The following RBFOX1 variants were observed in gnomAD, a reference collection of about 807,000 sequenced individuals.
RBFOX1 encodes the protein RNA binding protein fox-1 homolog 1.
RBFOX1 carries 8 observed loss-of-function variants against 57.7 expected under a neutral mutation model. The ratio of observed to expected loss-of-function variants is 0.14; its 90% CI spans 0.08 to 0.25. The LOEUF (loss-of-function observed/expected upper bound fraction) is 0.25. RBFOX1 is among the 10% of genes least tolerant of loss of function. The pLI, the probability that RBFOX1 is intolerant of heterozygous loss-of-function variation, is 1.00. For synonymous variants in RBFOX1, 326 were observed against 222.4 expected (o/e 1.47, Z -4.15); for missense variants, 611 against 548.5 (o/e 1.11, Z -1.14).
chr16:6,753,968 C>G (rs1334025705), intron 3 of RBFOX1, among the ~76,000 whole-genome samples: 1 of 152,144 alleles, frequency 6.6e-6, no homozygotes, highest in Non-Finnish European at 1.5e-5. Flanking sequence ...CCTTATGGAG[C>G]TGACTGTTGA....
intron 4 of RBFOX1, among the ~76,000 whole-genome samples, chr16:7,100,757 A>G (rs368497919): frequency 3.9e-4 from 60 of 152,256 alleles, no homozygotes; most frequent in Middle Eastern, 6.8e-3. Flanking sequence ...AAAAGATCCA[A>G]TGGCCGTAAA....
intron 3 of RBFOX1, among the ~76,000 whole-genome samples, chr16:6,973,882 A>G (rs866197979): frequency 4.6e-5 from 7 of 152,120 alleles, no homozygotes; most frequent in Non-Finnish European, 1.0e-4. Flanking sequence ...AGCTGTCATC[A>G]ACGTATTAAG....
intron 3 of RBFOX1, among the ~76,000 whole-genome samples, chr16:5,628,089 C>A (rs556253426): frequency 6.6e-6 from 1 of 152,228 alleles, no homozygotes; most frequent in South Asian, 2.1e-4. Flanking sequence ...TGTCTCTGCC[C>A]ACCCCACCCC....
intron 1 of RBFOX1, among the ~76,000 whole-genome samples, chr16:6,259,757 A>G (rs2097690337): frequency 6.6e-6 from 1 of 152,136 alleles, no homozygotes; most frequent in Non-Finnish European, 1.5e-5. Flanking sequence ...CAGGAGTTCG[A>G]GACCAGCCTG....
At chr16:6,069,673 T>C (rs1363016878) in intron 1 of RBFOX1, among the ~76,000 whole-genome samples, 1 of 152,146 alleles carries the variant, frequency 6.6e-6, no homozygotes, top group Admixed American at 6.5e-5. Context: ...GTGGTTATAA[T>C]CTTACATTAA....
At chr16:7,272,568 T>C (rs1384156842) in intron 4 of RBFOX1, among the ~76,000 whole-genome samples, 2 of 152,196 alleles carry the variant, frequency 1.3e-5, no homozygotes, top group Non-Finnish European at 2.9e-5. Context: ...CAACTATCAC[T>C]TGCCAGGTTG....
intron 6 of RBFOX1, among the ~76,000 whole-genome samples, chr16:7,584,816 G>A (rs1027057696): frequency 2.0e-5 from 3 of 152,144 alleles, no homozygotes; most frequent in Admixed American, 2.0e-4. Context: ...TTGGAAATGG[G>A]GCTTACATCA....
intron 4 of RBFOX1, among the ~76,000 whole-genome samples, chr16:7,502,440 G>T (rs1309173120): frequency 6.6e-6 from 1 of 152,166 alleles, no homozygotes; most frequent in African/African-American, 2.4e-5. Flanking sequence ...GGGGTGGCAG[G>T]TGGTTGCTAA....
chr16:7,311,824 G>T (rs193042755), intron 4 of RBFOX1, among the ~76,000 whole-genome samples: 1 of 152,086 alleles, frequency 6.6e-6, no homozygotes, highest in Non-Finnish European at 1.5e-5. Flanking sequence ...TTTGAAAAAC[G>T]ATAGTGTTTC....
chr16:6,805,983 G>C (rs77352435), intron 3 of RBFOX1, among the ~76,000 whole-genome samples: 3,282 of 152,220 alleles, frequency 0.022, 111 homozygotes, highest in African/African-American at 0.074. Flanking sequence ...GTTACCTTTT[G>C]TGAGGTGAGA....
chr16:5,565,412 G>T (rs1396670768), intron 2 of RBFOX1, among the ~76,000 whole-genome samples: 1 of 152,048 alleles, frequency 6.6e-6, no homozygotes, highest in Non-Finnish European at 1.5e-5. Flanking sequence ...GATCACCTGA[G>T]GTTGGGAGTT....
Position 6,097,450 on chromosome 16 carries a change from T to G in RBFOX1, c.-127+77458T>G, listed in dbSNP as rs544264794. On this transcript the variant is annotated intron_variant, in intron 1 of 15. Transcript: ENST00000550418. The surrounding 1 kb of genome is among the most constrained non-coding windows in gnomAD (Gnocchi z 5.0). ...CTGGGAGTTTGTGAGAGATGCAGAT[T>G]CTTGGTGCCCATCCAAACCTACAGA... 3.9e-5 allele frequency among the ~76,000 whole-genome samples: 6 copies of G among 152,248 alleles called. No individual in the cohort carries two copies. The highest frequency in any genetic ancestry group is 1.4e-4 in the African/African-American group (6 of 41,544).
In RBFOX1 at chr16:7,004,134, A is replaced by C. The variant is rs1331894354; in HGVS notation, c.-15-47923A>C. ...ACACTAGAAATCAGTTTTGTTTTGTACTTAATAGAGCATCTTTTTAAATCT... is the reference window on the plus strand; with the variant it reads ...ACACTAGAAATCAGTTTTGTTTTGTCCTTAATAGAGCATCTTTTTAAATCT... On this transcript the variant is annotated intron_variant, in intron 3 of 15. Transcript: ENST00000550418. The C allele has an allele frequency of 2.0e-5, 3 of 151,950 alleles. No homozygotes were observed. The South Asian group carries it at 6.2e-4, about 31-fold the overall frequency. The allele number at this position is 151,950 out of a possible 1,614,324, so 9.4% of individuals were successfully genotyped here.
chr16:6,273,258 T>TA lies in RBFOX1; in HGVS notation c.-126-43728dup, dbSNP rs111826438. On this transcript the variant is annotated intron_variant, in intron 1 of 15. Transcript: ENST00000550418. ...TGGGCAGCAGAGTGAGACTCTGTTT[T>TA]AAAAAAAAACAAAACAAACCAAAGC... Among the ~76,000 whole-genome samples the TA allele has an allele frequency of 3.5e-3, 512 of 147,684 alleles. 1 individual carries two copies. The highest frequency in any genetic ancestry group is 5.0e-3 in the Non-Finnish European group (334 of 66,842).
chr16:6,931,863 G>T lies in RBFOX1; in HGVS notation c.-15-120194G>T, dbSNP rs148094550. 3.2e-3 allele frequency among the ~76,000 whole-genome samples: 490 copies of T among 152,232 alleles called. 4 individuals are homozygous for T. The highest frequency in any genetic ancestry group is 0.01 in the African/African-American group (426 of 41,536). The stretch of plus-strand genomic sequence containing the variant: ...CAAGAGCATGGCACTGGTATCTGAC[G>T]AGGGCGTGGTATAAGGCATCACATG... On this transcript the variant is annotated intron_variant, in intron 3 of 15. Transcript: ENST00000550418.
intron 3 of RBFOX1, among the ~76,000 whole-genome samples, chr16:6,898,915 A>G (rs142002053): frequency 1.4e-3 from 216 of 150,778 alleles, no homozygotes; most frequent in African/African-American, 5.2e-3. Context: ...GTGTTTGTGC[A>G]TATGTGTATA....
chr16:6,588,106 C>T lies in RBFOX1; in HGVS notation c.-63-66497C>T, dbSNP rs567475888. Among the ~76,000 whole-genome samples the T allele has an allele frequency of 5.7e-4, 87 of 152,042 alleles. 1 individual carries two copies. Among genetic ancestry groups the T allele is most frequent in the Admixed American group, 1.4e-3 (22 of 15,276 alleles). ...ATTAGCTGGGCGTGGTGGCACACACCTGTAATCCCAGCTACTCGGGAGGCT... is the reference window on the plus strand; with the variant it reads ...ATTAGCTGGGCGTGGTGGCACACACTTGTAATCCCAGCTACTCGGGAGGCT... On this transcript the variant is annotated intron_variant, in intron 2 of 15. Transcript: ENST00000550418.
chr16:7,193,844 A>G lies in RBFOX1; in HGVS notation c.27+141746A>G, dbSNP rs548573883. 1.7e-4 allele frequency among the ~76,000 whole-genome samples: 26 copies of G among 152,360 alleles called. No homozygotes were observed. The South Asian group carries it at 5.2e-3, about 30-fold the overall frequency. ...TTTACGTAACTCAAAATGATCAGAC[A>G]TGTCACAAGAATGAAAGAATGACAG... On this transcript the variant is annotated intron_variant, in intron 4 of 15. Transcript: ENST00000550418.
At chr16:5,903,959 T>C (rs7202978) in intron 4 of RBFOX1, among the ~76,000 whole-genome samples, 93,985 of 151,930 alleles carry the variant, frequency 0.62, 29,332 homozygotes, top group Middle Eastern at 0.76. Context: ...CTAAGCTGGG[T>C]ATATGTCACC....
Sources: gnomAD v4.1 joint callset for allele counts (sites outside exome capture counted in the v4.1 genomes callset) on GRCh38, gnomAD v4.1.1 for gene constraint, Gnocchi (gnomAD v3.1) non-coding constraint, MANE v1.5 for transcripts, NCBI Gene and HGNC (gene_info 2026-07-23, HGNC 2026-07-21) for gene names.